Variants in GNE observed in about 807,000 individuals in gnomAD.
GNE encodes the protein glucosamine (UDP-N-acetyl)-2-epimerase/N-acetylmannosamine kinase, also known as bifunctional UDP-N-acetylglucosamine 2-epimerase/N-acetylmannosamine kinase.
GNE carries 41 observed loss-of-function variants against 61.8 expected under a neutral mutation model. The observed-to-expected ratio is 0.66, with a 90% confidence interval of 0.52 to 0.86. The LOEUF is 0.86. GNE is among the 40% of genes least tolerant of loss of function. The probability of loss-of-function intolerance (pLI) is 0.00; values close to 1 mark genes in which losing one functional copy is unlikely to be tolerated. For missense variants in GNE, 608 were observed against 909.1 expected (o/e 0.67, Z 4.26); for synonymous variants, 264 against 326.4 (o/e 0.81, Z 2.06).
rs549912346 is a variant in GNE at position 36,224,943 on chromosome 9, T to G, written c.1282-1441A>C. Among the ~76,000 whole-genome samples the G allele has an allele frequency of 2.6e-5, 4 of 152,344 alleles. No homozygotes were observed. In the East Asian group the frequency reaches 7.7e-4, roughly 29 times the overall value. On this transcript the variant is annotated intron_variant, in intron 7 of 11. Transcript: ENST00000642385. ...ACAGGGATAGTCCCTCCTGATTACT[T>G]GTCTTTATCTTTTTTCTTTGCACAA...
At chr9:36,244,399 T>A (rs7024955) in intron 3 of GNE, among the ~76,000 whole-genome samples, 75,994 of 151,958 alleles carry the variant, frequency 0.5, 20,143 homozygotes, top group Non-Finnish European at 0.6. Context: ...CCAACTGACA[T>A]TCTGTTTGTA....
At chr9:36,272,953 C>T (rs1417478223) in intron 1 of GNE, among the ~76,000 whole-genome samples, 1 of 143,886 alleles carries the variant, frequency 6.9e-6, no homozygotes, top group Admixed American at 7.0e-5. Flanking sequence ...GGCATGGTGG[C>T]GTGCGCCTGT....
intron 1 of GNE, among the ~76,000 whole-genome samples, chr9:36,251,048 T>C (rs1027138082): frequency 6.6e-6 from 1 of 152,182 alleles, no homozygotes; most frequent in Non-Finnish European, 1.5e-5. Context: ...CCCTTCTCTG[T>C]GCCAAAGTGC....
chr9:36,260,882 A>C (rs1225203626), upstream of GNE, among the ~76,000 whole-genome samples: 4 of 150,572 alleles, frequency 2.7e-5, no homozygotes, highest in African/African-American at 7.3e-5. Flanking sequence ...AAAAAAAAAA[A>C]AAAAAAAAAA....
At chr9:36,272,305 A>G (rs926406447) in intron 1 of GNE, among the ~76,000 whole-genome samples, 8 of 152,140 alleles carry the variant, frequency 5.3e-5, no homozygotes, top group African/African-American at 1.9e-4. Flanking sequence ...GGGAAATGGC[A>G]TGATCAGATT....
chr9:36,271,857 C>T (rs559287946), intron 1 of GNE, among the ~76,000 whole-genome samples: 3 of 152,018 alleles, frequency 2.0e-5, no homozygotes, highest in Non-Finnish European at 4.4e-5. Context: ...TGAAGTTAGC[C>T]CTGTTTGGTA....
At chr9:36,265,611 C>G in intron 1 of GNE, 1 of 357,718 alleles carries the variant, frequency 2.8e-6, no homozygotes, top group Non-Finnish European at 5.9e-6. Flanking sequence ...TCAGCCACAA[C>G]ACTTTTAATT....
At chr9:36,262,603 T>A (rs1830646594), upstream of GNE, among the ~76,000 whole-genome samples, 1 of 152,214 alleles carries the variant, frequency 6.6e-6, no homozygotes, top group Admixed American at 6.5e-5. Flanking sequence ...TATGGCTTTG[T>A]AGTATAATAA....
At chr9:36,249,890 A>G (rs1830051750) in intron 1 of GNE, among the ~76,000 whole-genome samples, 1 of 152,086 alleles carries the variant, frequency 6.6e-6, no homozygotes, top group Non-Finnish European at 1.5e-5. Context: ...TCTCAAAAAA[A>G]AAAAAAGAAG....
intron 1 of GNE, among the ~76,000 whole-genome samples, chr9:36,252,279 G>A (rs146529567): frequency 3.3e-5 from 5 of 152,118 alleles, no homozygotes; most frequent in East Asian, 3.9e-4. Context: ...GCCACCGCAC[G>A]TGGCCGCACT....
intron 3 of GNE, among the ~76,000 whole-genome samples, chr9:36,240,047 G>A (rs1482233590): frequency 2.0e-5 from 3 of 152,056 alleles, no homozygotes; most frequent in Non-Finnish European, 4.4e-5. Flanking sequence ...TCTTTTATAA[G>A]TTCTAGGAGC....
At chr9:36,228,996 T>G in intron 6 of GNE, 25 bp downstream of exon 6, 1 of 1,301,266 alleles carries the variant, frequency 7.7e-7, no homozygotes, top group Non-Finnish European at 1.1e-6. Context: ...TTTAAATCAC[T>G]CAACAAAGAA....
chr9:36,224,731 G>A lies in GNE; in HGVS notation c.1282-1229C>T, dbSNP rs145094975. ...TAAAAAATACAAAAATTAGCTGGGC[G>A]TGGTGGCACACGCCTGTAGTCTCAG... On this transcript the variant is annotated intron_variant, in intron 7 of 11. Coordinates refer to ENST00000642385, the MANE Select transcript of GNE (RefSeq NM_005476.7). Among the ~76,000 whole-genome samples the A allele has an allele frequency of 5.9e-5, 9 of 152,120 alleles. No homozygotes were observed. In the East Asian group the frequency reaches 1.2e-3, roughly 20 times the overall value.
intron 1 of GNE, among the ~76,000 whole-genome samples, chr9:36,252,521 G>A (rs1424859699): frequency 6.6e-6 from 1 of 152,072 alleles, no homozygotes. Context: ...GTTACTCAAA[G>A]GTTATTCTAC....
chr9:36,248,318 CTTTTTT>C (rs551725041), intron 2 of GNE, among the ~76,000 whole-genome samples: 1 of 142,118 alleles, frequency 7.0e-6, no homozygotes, highest in Non-Finnish European at 1.5e-5. Context: ...TCAACCTTTG[CTTTTTT>C]TTTTTTTGAG....
chr9:36,261,619 T>C (rs1260744160), upstream of GNE, among the ~76,000 whole-genome samples: 1 of 148,718 alleles, frequency 6.7e-6, no homozygotes, highest in Non-Finnish European at 1.5e-5. Flanking sequence ...ACAAGAGGTA[T>C]TGAAAGTCAC....
chr9:36,262,727 C>T (rs186221092), upstream of GNE, among the ~76,000 whole-genome samples: 251 of 152,334 alleles, frequency 1.6e-3, 1 homozygote, highest in African/African-American at 5.5e-3. Context: ...ATCTAACCTT[C>T]TCATCAGAGT....
chr9:36,217,147 A>AC lies in GNE; in HGVS notation c.*217dup. ...AACTTACAGGGTTTGAGCTAAAATG[A>AC]CCCCTAGTAAGAAGACATCAGAAAG... On this transcript the variant is annotated 3_prime_UTR_variant, in exon 12 of 12. Coordinates refer to ENST00000642385, the MANE Select transcript of GNE (RefSeq NM_005476.7). 5.2e-6 allele frequency: 3 copies of AC among 576,154 alleles called. No individual in the cohort carries two copies. Among genetic ancestry groups the AC allele is most frequent in the Non-Finnish European group, 9.3e-6 (3 of 321,944 alleles). The allele number at this position is 576,154 out of a possible 1,614,324, so 35.7% of individuals were successfully genotyped here.
chr9:36,259,841 A>G (rs1184759851), upstream of GNE, among the ~76,000 whole-genome samples: 2 of 152,070 alleles, frequency 1.3e-5, no homozygotes, highest in African/African-American at 4.8e-5. Context: ...TTGTATTTTT[A>G]GTAGAGACGG....
Sources: gnomAD v4.1 joint callset for allele counts (sites outside exome capture counted in the v4.1 genomes callset) on GRCh38, gnomAD v4.1.1 for gene constraint, MANE v1.5 for transcripts, NCBI Gene and HGNC (gene_info 2026-07-23, HGNC 2026-07-21) for gene names.